EYS: variants seen among roughly 807,000 people sequenced by gnomAD.
EYS encodes the protein protein eyes shut homolog.
In EYS, 250 loss-of-function variants were observed where a neutral mutation model predicts 282.1. The observed-to-expected ratio is 0.89, with a 90% CI of 0.80 to 0.98. EYS has a LOEUF of 0.98. EYS is among the 50% of genes least tolerant of loss of function. The pLI, the probability that EYS is intolerant of heterozygous loss-of-function variation, is 0.00. For missense variants in EYS, 4,016 were observed against 3,709.0 expected (o/e 1.08, Z -2.15); for synonymous variants, 1,355 against 1,282.9 (o/e 1.06, Z -1.20).
chr6:64,868,850 T>C (rs1766503789), intron 19 of EYS, among the ~76,000 whole-genome samples: 1 of 151,584 alleles, frequency 6.6e-6, no homozygotes. Flanking sequence ...TTTTCTATCA[T>C]TCTTTACATG....
At chr6:64,583,643 A>T (rs1766142548) in intron 26 of EYS, among the ~76,000 whole-genome samples, 1 of 152,086 alleles carries the variant, frequency 6.6e-6, no homozygotes, top group Admixed American at 6.6e-5. Flanking sequence ...TAAAAATACA[A>T]AATTAGCCAG....
At chr6:63,853,470 A>G (rs1397714570) in intron 36 of EYS, among the ~76,000 whole-genome samples, 1 of 152,226 alleles carries the variant, frequency 6.6e-6, no homozygotes, top group Non-Finnish European at 1.5e-5. Context: ...ACCACTCTTC[A>G]AGGAAATAAG....
At chr6:65,054,945 G>T (rs1773370611) in intron 13 of EYS, among the ~76,000 whole-genome samples, 1 of 150,956 alleles carries the variant, frequency 6.6e-6, no homozygotes, top group Non-Finnish European at 1.5e-5. Flanking sequence ...AAATATTTTG[G>T]TTTGGTTTTG....
chr6:65,616,680 G>A (rs1766209595), intron 2 of EYS, among the ~76,000 whole-genome samples: 1 of 151,806 alleles, frequency 6.6e-6, no homozygotes, highest in Non-Finnish European at 1.5e-5. Flanking sequence ...TAGCTACTCG[G>A]AAGGCTGAGG....
chr6:64,368,546 T>C (rs1379794268), intron 29 of EYS, among the ~76,000 whole-genome samples: 1 of 152,112 alleles, frequency 6.6e-6, no homozygotes, highest in African/African-American at 2.4e-5. Context: ...ATAAGTATTC[T>C]CTTTTCTCTG....
chr6:63,978,698 TACTACAGA>T, intron 35 of EYS, among the ~76,000 whole-genome samples: 1 of 152,012 alleles, frequency 6.6e-6, no homozygotes, highest in South Asian at 2.1e-4. Flanking sequence ...GATTGCAACT[TACTACAGA>T]ACAAATGGAA....
chr6:64,396,816 C>T (rs1404472534), intron 28 of EYS, among the ~76,000 whole-genome samples: 6 of 152,076 alleles, frequency 3.9e-5, no homozygotes, highest in Admixed American at 3.9e-4. Context: ...TTAAGACTTA[C>T]TCTAAAAGTA....
At chr6:65,457,359 C>T (rs925809709) in intron 5 of EYS, among the ~76,000 whole-genome samples, 5 of 151,818 alleles carry the variant, frequency 3.3e-5, no homozygotes, top group Admixed American at 6.6e-5. Context: ...GAGATGGGGT[C>T]TCACTTTGTT....
At chr6:63,845,813 G>T (rs1562056700) in intron 36 of EYS, among the ~76,000 whole-genome samples, 1 of 152,124 alleles carries the variant, frequency 6.6e-6, no homozygotes, top group African/African-American at 2.4e-5. Flanking sequence ...AGAGCTTTTA[G>T]ATATTGGCAG....
At chr6:63,937,358 T>A in intron 35 of EYS, among the ~76,000 whole-genome samples, 2 of 43,518 alleles carry the variant, frequency 4.6e-5, no homozygotes, top group African/African-American at 2.3e-4. Context: ...TTTTTTTTTT[T>A]TTTTTTTTTT....
At chr6:65,207,934 A>T (rs914742917) in intron 12 of EYS, among the ~76,000 whole-genome samples, 4 of 151,702 alleles carry the variant, frequency 2.6e-5, no homozygotes, top group Non-Finnish European at 4.4e-5. Context: ...AAGAAAACCT[A>T]GGAAAACCAC....
intron 28 of EYS, among the ~76,000 whole-genome samples, chr6:64,398,517 C>G (rs1773451119): frequency 1.3e-5 from 2 of 151,924 alleles, no homozygotes; most frequent in South Asian, 2.1e-4. Context: ...CACACACACA[C>G]ACACACAAAT....
intron 1 of EYS, among the ~76,000 whole-genome samples, chr6:65,652,651 A>G (rs536615719): frequency 6.6e-6 from 1 of 152,050 alleles, no homozygotes; most frequent in East Asian, 1.9e-4. Context: ...AGAGGTCACT[A>G]AAAAAAGAGA....
intron 2 of EYS, among the ~76,000 whole-genome samples, chr6:65,555,009 GA>G (rs5876972): frequency 0.56 from 82,315 of 148,218 alleles, 22,544 homozygotes; most frequent in East Asian, 0.73. Flanking sequence ...TTTACACAAG[GA>G]AAAAAAAAAA....
intron 12 of EYS, among the ~76,000 whole-genome samples, chr6:65,103,540 C>T (rs1774951681): frequency 5.3e-5 from 8 of 151,390 alleles, no homozygotes. Context: ...CCTGATGGGA[C>T]CCATGCTGTT....
rs555558256 is a variant in EYS, at chr6:64,585,615, T to C, written c.5644+4608A>G. Among the ~76,000 whole-genome samples the C allele has an allele frequency of 2.0e-5, 3 of 152,252 alleles. No homozygotes were observed. In the South Asian group the frequency reaches 6.2e-4, roughly 32 times the overall value. On this transcript the variant is annotated intron_variant, in intron 26 of 42. Transcript: ENST00000503581. ...AACAGAATTCAGTAAATAATCTTTCTCTATGGACTCACAATCACCCCTTGG... is the reference window on the plus strand; with the variant it reads ...AACAGAATTCAGTAAATAATCTTTCCCTATGGACTCACAATCACCCCTTGG...
chr6:64,881,997 A>C (rs577879482), intron 19 of EYS, among the ~76,000 whole-genome samples: 1 of 151,850 alleles, frequency 6.6e-6, no homozygotes, highest in Non-Finnish European at 1.5e-5. Flanking sequence ...TGTAAGATCC[A>C]GCTTTTGATA....
chr6:64,929,681 T>C (rs1222749951), intron 15 of EYS, among the ~76,000 whole-genome samples: 1 of 152,126 alleles, frequency 6.6e-6, no homozygotes, highest in Non-Finnish European at 1.5e-5. Context: ...CTACATGAGG[T>C]TCCAACTTTT....
chr6:64,641,667 C>T (rs1158830302), intron 22 of EYS, among the ~76,000 whole-genome samples: 1 of 152,116 alleles, frequency 6.6e-6, no homozygotes, highest in Non-Finnish European at 1.5e-5. Context: ...GCAGAGGTCT[C>T]CAACACCCAG....
Sources: allele counts gnomAD v4.1 joint callset (sites outside exome capture counted in the v4.1 genomes callset), GRCh38; gene constraint gnomAD v4.1.1; transcripts MANE v1.5; gene names NCBI Gene and HGNC (gene_info 2026-07-23, HGNC 2026-07-21).